The following TRIM9 variants were observed in gnomAD, a reference collection of about 807,000 sequenced individuals.
The protein encoded by TRIM9 is tripartite motif containing 9.
Under a neutral mutation model 78.3 loss-of-function variants are expected in TRIM9, and 26 were observed. The ratio of observed to expected loss-of-function variants is 0.33; its 90% CI spans 0.24 to 0.46. The LOEUF (loss-of-function observed/expected upper bound fraction) is 0.46. Among genes scored for constraint, TRIM9 ranks in the 20% least tolerant of loss-of-function variants. The pLI is 1.00. For synonymous variants in TRIM9, 398 were observed against 416.5 expected (o/e 0.96, Z 0.54); for missense variants, 787 against 1,036.4 (o/e 0.76, Z 3.30).
At chr14:51,027,109 G>A (rs1423000942) in intron 1 of TRIM9, among the ~76,000 whole-genome samples, 1 of 148,148 alleles carries the variant, frequency 6.8e-6, no homozygotes, top group African/African-American at 2.5e-5. Context: ...CATGATGCGT[G>A]CTTAATAAAT....
intron 1 of TRIM9, among the ~76,000 whole-genome samples, chr14:51,087,239 A>C (rs1420092591): frequency 6.6e-6 from 1 of 151,998 alleles, no homozygotes; most frequent in Non-Finnish European, 1.5e-5. Flanking sequence ...TCTATGGAGA[A>C]AGTCAGAGGG....
intron 1 of TRIM9, among the ~76,000 whole-genome samples, chr14:51,052,723 T>C (rs1398901893): frequency 6.6e-6 from 1 of 152,188 alleles, no homozygotes; most frequent in Non-Finnish European, 1.5e-5. Flanking sequence ...GATTCCTTTT[T>C]AGCCCCCTCT....
chr14:50,977,315 G>A lies in TRIM9; in HGVS notation c.2364C>T (p.Tyr788=). The change falls in exon 13 of 13, where the codon TAC becomes TAT. Residue 788 remains tyrosine, a synonymous_variant. Coordinates refer to ENST00000684578, the MANE Select transcript of TRIM9 (RefSeq NM_001387360.1). ...LHTGLPVPDF[Y]SSRASIA ...CTTAGGCTATTGATGCTCTGCTGGAGTAGAAGTCGGGGACTGGGAGCCCGG... is the reference window on the plus strand; with the variant it reads ...CTTAGGCTATTGATGCTCTGCTGGAATAGAAGTCGGGGACTGGGAGCCCGG... 6.5e-7 allele frequency: 1 copy of A among 1,548,170 alleles called. No individual in the cohort carries two copies. Among genetic ancestry groups the A allele is most frequent in the Non-Finnish European group, 8.7e-7 (1 of 1,144,592 alleles).
In TRIM9 at chr14:51,028,835, T is replaced by A. The variant is rs77375119; in HGVS notation, c.823-3475A>T. ...GAATCACCGAGGTCTCCCAGAAAGA[T>A]GACAAGTTGTTCAAGCCTGAAGGAG... On this transcript the variant is annotated intron_variant, in intron 1 of 12. Coordinates refer to ENST00000684578, the MANE Select transcript of TRIM9 (RefSeq NM_001387360.1). 4.9e-3 allele frequency among the ~76,000 whole-genome samples: 742 copies of A among 152,214 alleles called. 9 individuals carry two copies. The highest frequency in any genetic ancestry group is 6.7e-3 in the Non-Finnish European group (459 of 68,010).
chr14:50,977,223 T>C lies in TRIM9; in HGVS notation c.*68A>G, dbSNP rs574698051. 1.4e-5 allele frequency: 19 copies of C among 1,333,620 alleles called. No homozygotes were observed. In the East Asian group the frequency reaches 5.2e-4, roughly 37 times the overall value. The allele number at this position is 1,333,620 out of a possible 1,614,324, so 82.6% of individuals were successfully genotyped here. A position where few individuals can be genotyped will look rare whatever the true frequency, so the allele number is the denominator to read the frequency against. Reference sequence around the variant, plus strand: ...AACTCTGCACCCCACCACGGCTGGCTGAGCTCCTTGCTGTGGCTCTCGCAG... The same window carrying C: ...AACTCTGCACCCCACCACGGCTGGCCGAGCTCCTTGCTGTGGCTCTCGCAG... On this transcript the variant is annotated 3_prime_UTR_variant, in exon 13 of 13. Coordinates refer to ENST00000684578, the MANE Select transcript of TRIM9 (RefSeq NM_001387360.1).
At chr14:50,980,072 G>A (rs1478931169) in intron 11 of TRIM9, among the ~76,000 whole-genome samples, 1 of 152,190 alleles carries the variant, frequency 6.6e-6, no homozygotes, top group Non-Finnish European at 1.5e-5. Flanking sequence ...TAAACCACAT[G>A]CATGAGAAAT....
At chr14:51,030,921 C>A (rs890866216) in intron 1 of TRIM9, among the ~76,000 whole-genome samples, 1 of 151,790 alleles carries the variant, frequency 6.6e-6, no homozygotes, top group Non-Finnish European at 1.5e-5. Flanking sequence ...CCAAGGCGGG[C>A]GGATCACTTG....
At chr14:51,024,341 T>C (rs1431224384) in intron 2 of TRIM9, among the ~76,000 whole-genome samples, 2 of 152,136 alleles carry the variant, frequency 1.3e-5, no homozygotes, top group African/African-American at 4.8e-5. Flanking sequence ...TGCTAGGCTG[T>C]TAGGGAATCA....
At chr14:51,020,586 G>A (rs2057663235) in intron 3 of TRIM9, among the ~76,000 whole-genome samples, 1 of 152,202 alleles carries the variant, frequency 6.6e-6, no homozygotes, top group South Asian at 2.1e-4. Flanking sequence ...CAGTACAGAT[G>A]GACCATCAGA....
chr14:51,087,964 A>G (rs2140353916), intron 1 of TRIM9, among the ~76,000 whole-genome samples: 1 of 152,316 alleles, frequency 6.6e-6, no homozygotes, highest in East Asian at 1.9e-4. Context: ...CATGCCTAAA[A>G]TCATTTTTTG....
intron 7 of TRIM9, among the ~76,000 whole-genome samples, chr14:50,993,545 T>G (rs2053807157): frequency 6.6e-6 from 1 of 152,104 alleles, no homozygotes. Flanking sequence ...ATTTTGTATT[T>G]TTAGTAGAGA....
At position 51,094,868 on chromosome 14, in the gene TRIM9, G is replaced by A; in HGVS notation, c.72C>T (p.Pro24=). 1.3e-6 allele frequency: 2 copies of A among 1,526,024 alleles called. No individual in the cohort carries two copies. Among genetic ancestry groups the A allele is most frequent in the Non-Finnish European group, 1.8e-6 (2 of 1,141,622 alleles). The allele number at this position is 1,526,024 out of a possible 1,614,324, so 94.5% of individuals were successfully genotyped here. A position where few individuals can be genotyped will look rare whatever the true frequency, so the allele number is the denominator to read the frequency against. ...ACGCCTGACACAAATTGTGAGAGCA[G>A]GGCAGGATGATGGGCTCCCGATAGA... The part of the protein sequence containing the change: ...GSFYREPIIL[P]CSHNLCQACA... The change falls in exon 1 of 13, where the codon CCC becomes CCT. Residue 24 remains proline, a synonymous_variant. Coordinates refer to ENST00000684578, the MANE Select transcript of TRIM9 (RefSeq NM_001387360.1).
chr14:50,979,032 C>G, intron 12 of TRIM9: 3 of 1,287,776 alleles, frequency 2.3e-6, no homozygotes, highest in Non-Finnish European at 2.9e-6. Flanking sequence ...CTCAGGCACT[C>G]CTGAGCTTTG....
chr14:50,979,755 T>C (rs1045582354), intron 11 of TRIM9, among the ~76,000 whole-genome samples: 2 of 152,230 alleles, frequency 1.3e-5, no homozygotes, highest in African/African-American at 4.8e-5. Flanking sequence ...CTGTGTTTTA[T>C]ACATAACAAG....
At chr14:51,045,907 G>T (rs904918902) in intron 1 of TRIM9, among the ~76,000 whole-genome samples, 2 of 151,824 alleles carry the variant, frequency 1.3e-5, no homozygotes, top group African/African-American at 4.8e-5. Flanking sequence ...AGAAAATCCA[G>T]GAATCAACTT....
chr14:50,982,157 A>G, intron 10 of TRIM9, 54 bp from the exon 11 acceptor site: 3 of 1,586,370 alleles, frequency 1.9e-6, no homozygotes, highest in Non-Finnish European at 1.7e-6. Flanking sequence ...CAAGCTCAGC[A>G]CCATAACATA....
chr14:51,092,978 G>C (rs187589478), intron 1 of TRIM9, among the ~76,000 whole-genome samples: 2 of 152,284 alleles, frequency 1.3e-5, no homozygotes, highest in East Asian at 3.9e-4. Context: ...AACTGGGGAA[G>C]AGAGCTTCAG....
chr14:50,984,984 T>A (rs2052505842), intron 8 of TRIM9, among the ~76,000 whole-genome samples: 1 of 152,230 alleles, frequency 6.6e-6, no homozygotes, highest in African/African-American at 2.4e-5. Context: ...TTTTGCACTG[T>A]CATGCTGTGG....
At chr14:51,053,137 G>A (rs978166361) in intron 1 of TRIM9, among the ~76,000 whole-genome samples, 5 of 146,738 alleles carry the variant, frequency 3.4e-5, no homozygotes, top group Non-Finnish European at 7.5e-5. Context: ...TCCAGCCTGG[G>A]TGACAGAGAG....
Sources: allele counts gnomAD v4.1 joint callset (sites outside exome capture counted in the v4.1 genomes callset), GRCh38; gene constraint gnomAD v4.1.1; transcripts MANE v1.5; gene names NCBI Gene and HGNC (gene_info 2026-07-23, HGNC 2026-07-21).